NOL10: variants seen among roughly 807,000 people sequenced by gnomAD.
NOL10 encodes H_NH0074G24.1.
Under a neutral mutation model 103.5 loss-of-function variants are expected in NOL10, and 58 were observed. The ratio of observed to expected loss-of-function variants is 0.56; its 90% confidence interval spans 0.45 to 0.70. The LOEUF (loss-of-function observed/expected upper bound fraction) is 0.70. Ranked by LOEUF, NOL10 falls within the 30% of genes least tolerant of loss-of-function variation. NOL10 has a pLI of 0.00. For missense variants in NOL10, 763 were observed against 807.3 expected (o/e 0.95, Z 0.67); for synonymous variants, 287 against 282.5 (o/e 1.02, Z -0.16).
At chr2:10,643,680 GA>G (rs199908739) in intron 13 of NOL10, among the ~76,000 whole-genome samples, 1,967 of 152,246 alleles carry the variant, frequency 0.013, 42 homozygotes, top group Admixed American at 0.014. Flanking sequence ...GAGATGACTT[GA>G]AGAGTAATAG....
In NOL10 at chr2:10,589,310, G is replaced by T. The variant is rs770751108; in HGVS notation, c.1597-20C>A. On this transcript the variant is annotated intron_variant, in intron 18 of 20. Transcript: ENST00000381685. Reference sequence around the variant, plus strand: ...CTCTTCCTGAGAATAAAAATAGTAAGCAGCAACTCCTTTCCCCCAGTCAAA... The same window carrying T: ...CTCTTCCTGAGAATAAAAATAGTAATCAGCAACTCCTTTCCCCCAGTCAAA... 6.2e-7 allele frequency: 1 copy of T among 1,611,398 alleles called. No homozygotes were observed.
chr2:10,622,097 A>T, intron 13 of NOL10: 1 of 471,418 alleles, frequency 2.1e-6, no homozygotes, highest in Non-Finnish European at 4.4e-6. Flanking sequence ...GTCATCACAG[A>T]AACGCTGGTG....
At chr2:10,603,215 C>A in intron 14 of NOL10, 58 bp from the exon 15 acceptor site, 1 of 1,302,708 alleles carries the variant, frequency 7.7e-7, no homozygotes, top group Non-Finnish European at 1.1e-6. Context: ...TAACATTCAA[C>A]AGTTTTTCTT....
chr2:10,594,213 T>C (rs1487708957), intron 17 of NOL10, among the ~76,000 whole-genome samples: 1 of 152,130 alleles, frequency 6.6e-6, no homozygotes, highest in Admixed American at 6.5e-5. Context: ...ACTGTTATTT[T>C]AGAGAAACAA....
At chr2:10,598,802 A>G (rs1488723119) in intron 17 of NOL10, among the ~76,000 whole-genome samples, 1 of 97,688 alleles carries the variant, frequency 1.0e-5, no homozygotes, top group Non-Finnish European at 2.0e-5. Flanking sequence ...AAAAGAAATA[A>G]AAGAAAGAAA....
At chr2:10,578,083 GATC>G (rs1329221675) in intron 19 of NOL10, among the ~76,000 whole-genome samples, 2 of 152,110 alleles carry the variant, frequency 1.3e-5, no homozygotes, top group Non-Finnish European at 2.9e-5. Context: ...GCCTGTAATT[GATC>G]ATAATGGTCA....
At chr2:10,682,151 TCAC>T in intron 2 of NOL10, 82 bp from the exon 3 acceptor site, 1 of 506,898 alleles carries the variant, frequency 2.0e-6, no homozygotes, top group African/African-American at 2.0e-5. Flanking sequence ...TACCAAGCAG[TCAC>T]CACAACTATA....
Position 10,669,497 on chromosome 2 carries a change from TACACACACAC to T in NOL10, c.465-784_465-775del, listed in dbSNP as rs201250808. On this transcript the variant is annotated intron_variant, in intron 6 of 20. Coordinates refer to ENST00000381685, the MANE Select transcript of NOL10 (RefSeq NM_024894.4). ...ATATATATATACACACACACACACA[TACACACACAC>T]ATATATACACACACACACACACACA... Among the ~76,000 whole-genome samples, 3 of 102,252 alleles carry T rather than the reference TACACACACAC, an allele frequency of 2.9e-5. No homozygotes were observed. In the South Asian group the frequency reaches 1.1e-3, roughly 39 times the overall value. 67.1% of individuals were successfully genotyped at this position (102,252 alleles called of 152,430 possible).
At chr2:10,658,419 T>G (rs575943039) in intron 10 of NOL10, among the ~76,000 whole-genome samples, 16 of 152,048 alleles carry the variant, frequency 1.1e-4, no homozygotes, top group Non-Finnish European at 1.6e-4. Context: ...ACAAAGAAAG[T>G]AAATCCTCCA....
At chr2:10,648,686 T>G (rs1679252315) in intron 12 of NOL10, among the ~76,000 whole-genome samples, 2 of 152,100 alleles carry the variant, frequency 1.3e-5, no homozygotes, top group Non-Finnish European at 2.9e-5. Flanking sequence ...CCAAATTTAA[T>G]CTAAACTTAA....
rs1675078348 is a variant in NOL10 at position 10,587,074 on chromosome 2, TA to T, written c.1844+1968del. Among the ~76,000 whole-genome samples, 9 of 56,488 alleles carry T rather than the reference TA, an allele frequency of 1.6e-4. 1 individual carries two copies. Among genetic ancestry groups the T allele is most frequent in the Non-Finnish European group, 3.4e-4 (8 of 23,834 alleles). 37.1% of individuals were successfully genotyped at this position (56,488 alleles called of 152,430 possible). On this transcript the variant is annotated intron_variant, in intron 19 of 20. Coordinates refer to ENST00000381685, the MANE Select transcript of NOL10 (RefSeq NM_024894.4). ...ATATATACATATATATATACATATA[TA>T]TACATATATATACATATATATACAC...
intron 13 of NOL10, among the ~76,000 whole-genome samples, chr2:10,637,738 C>T (rs1483301331): frequency 6.6e-6 from 1 of 152,120 alleles, no homozygotes; most frequent in African/African-American, 2.4e-5. Flanking sequence ...CCTCTATTTG[C>T]GAAGACAGAG....
intron 13 of NOL10, among the ~76,000 whole-genome samples, chr2:10,624,426 T>A (rs1677335759): frequency 6.6e-6 from 1 of 151,952 alleles, no homozygotes; most frequent in Non-Finnish European, 1.5e-5. Flanking sequence ...GAAAAAGATA[T>A]TAAAACACAG....
At chr2:10,590,615 T>TC (rs1675345369) in intron 17 of NOL10, among the ~76,000 whole-genome samples, 1 of 152,146 alleles carries the variant, frequency 6.6e-6, no homozygotes, top group African/African-American at 2.4e-5. Flanking sequence ...TCATCAATAT[T>TC]CCCCCTCAGG....
chr2:10,595,144 C>CAGAGAGAGAGAGAGAGAGAGGGAGAGAG (rs1675603903), intron 17 of NOL10, among the ~76,000 whole-genome samples: 1 of 124,148 alleles, frequency 8.1e-6, no homozygotes, highest in African/African-American at 3.1e-5. Flanking sequence ...GGGGAGGGGG[C>CAGAGAGAGAGAGAGAGAGAGGGAGAGAG]AGAGAGAGAG....
chr2:10,650,145 T>C (rs768765937), intron 12 of NOL10, among the ~76,000 whole-genome samples: 3 of 152,240 alleles, frequency 2.0e-5, no homozygotes, highest in Non-Finnish European at 4.4e-5. Context: ...TAAATGCTTC[T>C]ACAATTAAAA....
intron 12 of NOL10, among the ~76,000 whole-genome samples, chr2:10,653,249 G>C (rs1367948485): frequency 6.6e-6 from 1 of 151,668 alleles, no homozygotes; most frequent in East Asian, 1.9e-4. Flanking sequence ...CACTATGAGT[G>C]AGTACACCTA....
At chr2:10,616,612 G>A (rs189891563) in intron 13 of NOL10, among the ~76,000 whole-genome samples, 188 of 151,786 alleles carry the variant, frequency 1.2e-3, no homozygotes, top group South Asian at 2.9e-3. Context: ...GCAGTGGTGC[G>A]ATCTCAGCTC....
chr2:10,609,232 C>T (rs749105838), intron 13 of NOL10, among the ~76,000 whole-genome samples: 40 of 111,488 alleles, frequency 3.6e-4, no homozygotes, highest in Non-Finnish European at 5.3e-5. Context: ...TGCACTGAGT[C>T]GAAGGGGAAG....
Sources: gnomAD v4.1 joint callset for allele counts (sites outside exome capture counted in the v4.1 genomes callset) on GRCh38, gnomAD v4.1.1 for gene constraint, MANE v1.5 for transcripts, NCBI Gene and HGNC (gene_info 2026-07-23, HGNC 2026-07-21) for gene names.